GRID1: variants seen among roughly 807,000 people sequenced by gnomAD.
The protein encoded by GRID1 is glutamate ionotropic receptor delta type subunit 1.
Under a neutral mutation model 98.0 loss-of-function variants are expected in GRID1, and 28 were observed. That is an observed-to-expected ratio of 0.29 (90% CI 0.21 to 0.39). GRID1 has a LOEUF of 0.39. Among genes scored for constraint, GRID1 ranks in the 10% least tolerant of loss-of-function variants. The pLI is 1.00. For synonymous variants in GRID1, 553 were observed against 538.5 expected, an observed-to-expected ratio of 1.03 and a Z score of -0.37; for missense variants, 1,111 against 1,340.5, an observed-to-expected ratio of 0.83 and a Z score of 2.67.
chr10:86,059,000 T>C (rs1843612852), intron 4 of GRID1, among the ~76,000 whole-genome samples: 1 of 152,076 alleles, frequency 6.6e-6, no homozygotes, highest in African/African-American at 2.4e-5. Flanking sequence ...GGATGACTGA[T>C]CTCATCTAGG....
chr10:86,194,172 A>G (rs140612672), intron 3 of GRID1, among the ~76,000 whole-genome samples: 228 of 152,210 alleles, frequency 1.5e-3, no homozygotes, highest in African/African-American at 5.3e-3. Flanking sequence ...CCTGCAGCCC[A>G]GCCGCTCTGC....
intron 2 of GRID1, among the ~76,000 whole-genome samples, chr10:86,258,251 A>C (rs565858491): frequency 1.3e-5 from 2 of 152,366 alleles, no homozygotes; most frequent in African/African-American, 4.8e-5. Flanking sequence ...AAGATAAAAA[A>C]ATACATCAGC....
At chr10:85,869,338 A>G (rs1248572263) in intron 5 of GRID1, among the ~76,000 whole-genome samples, 158 bp from the exon 6 acceptor site, 1 of 152,192 alleles carries the variant, frequency 6.6e-6, no homozygotes, top group Non-Finnish European at 1.5e-5. Flanking sequence ...CTTATTCACA[A>G]ATAATACTTG....
intron 2 of GRID1, among the ~76,000 whole-genome samples, chr10:86,311,988 T>A (rs1175897928): frequency 6.6e-6 from 1 of 152,256 alleles, no homozygotes; most frequent in African/African-American, 2.4e-5. Flanking sequence ...TAAACAGAAC[T>A]GGGGAGCCCA....
chr10:86,273,167 GT>G (rs1212416706), intron 2 of GRID1, among the ~76,000 whole-genome samples: 1 of 151,660 alleles, frequency 6.6e-6, no homozygotes, highest in African/African-American at 2.4e-5. Flanking sequence ...GCGGTGTTTG[GT>G]TTTTTGCCCT....
At chr10:85,680,697 C>T (rs572609026) in intron 12 of GRID1, among the ~76,000 whole-genome samples, 110 of 152,260 alleles carry the variant, frequency 7.2e-4, no homozygotes, top group Non-Finnish European at 1.4e-3. Flanking sequence ...CACAGTACTA[C>T]TCACAATAGC....
intron 8 of GRID1, among the ~76,000 whole-genome samples, chr10:85,740,370 T>C (rs1393905701): frequency 6.6e-6 from 1 of 152,212 alleles, no homozygotes; most frequent in South Asian, 2.1e-4. Flanking sequence ...TACTAGCAGA[T>C]TAAGAGATTC....
chr10:86,112,273 C>T (rs533870932), intron 4 of GRID1, among the ~76,000 whole-genome samples: 1 of 152,212 alleles, frequency 6.6e-6, no homozygotes, highest in African/African-American at 2.4e-5. Flanking sequence ...CGTGGCCCAG[C>T]TCTGTCTCAA....
intron 5 of GRID1, among the ~76,000 whole-genome samples, chr10:85,894,489 G>A (rs1350002760): frequency 2.6e-5 from 4 of 152,106 alleles, no homozygotes; most frequent in Non-Finnish European, 4.4e-5. Context: ...TTAGGTAGAG[G>A]TAGAAATTAT....
intron 12 of GRID1, among the ~76,000 whole-genome samples, chr10:85,705,061 T>G (rs1267259377): frequency 2.0e-5 from 3 of 152,052 alleles, no homozygotes; most frequent in Non-Finnish European, 2.9e-5. Context: ...TTAAAAGAAC[T>G]AGAGAAGCGA....
At chr10:85,946,588 T>C (rs192386301) in intron 4 of GRID1, among the ~76,000 whole-genome samples, 110 of 152,334 alleles carry the variant, frequency 7.2e-4, no homozygotes, top group Non-Finnish European at 1.3e-3. Flanking sequence ...CAAAAAGAGA[T>C]GACATGAGAG....
At chr10:86,181,044 T>A (rs1361986885) in intron 3 of GRID1, among the ~76,000 whole-genome samples, 4 of 152,136 alleles carry the variant, frequency 2.6e-5, no homozygotes, top group Admixed American at 6.5e-5. Context: ...GAACACACAG[T>A]GCTTGGGCAG....
At position 85,783,223 on chromosome 10, in the gene GRID1, G is replaced by A. The variant is rs114163335; in HGVS notation, c.1234-53609C>T. Among the ~76,000 whole-genome samples the A allele has an allele frequency of 1.2e-3, 178 of 152,304 alleles. 1 individual carries two copies. Among genetic ancestry groups the A allele is most frequent in the African/African-American group, 4.1e-3 (172 of 41,564 alleles). Reference sequence around the variant, plus strand: ...ACTCTGTGAAGCAAAGTGGACAACAGCATCGCTAGCAGCACCCTTGCAATG... The same window carrying A: ...ACTCTGTGAAGCAAAGTGGACAACAACATCGCTAGCAGCACCCTTGCAATG... On this transcript the variant is annotated intron_variant, in intron 8 of 15. Transcript: ENST00000327946.
chr10:86,312,468 T>C (rs747111924), intron 2 of GRID1, among the ~76,000 whole-genome samples: 4 of 152,212 alleles, frequency 2.6e-5, no homozygotes, highest in Admixed American at 6.5e-5. Flanking sequence ...AAGGATTTCT[T>C]CCCATCTGCC....
In GRID1 at chr10:86,182,240, G is replaced by A. The variant is rs553134176; in HGVS notation, c.520+24124C>T. On this transcript the variant is annotated intron_variant, in intron 3 of 15. Coordinates refer to ENST00000327946, the MANE Select transcript of GRID1 (RefSeq NM_017551.3). Reference sequence around the variant, plus strand: ...TGAGGGGCTGCCCAGTGGCCCTGGTGAGCAGCCAGAGAGCTGGCATGGATA... The same window carrying A: ...TGAGGGGCTGCCCAGTGGCCCTGGTAAGCAGCCAGAGAGCTGGCATGGATA... Among the ~76,000 whole-genome samples, 271 of 152,326 alleles carry A rather than the reference G, an allele frequency of 1.8e-3. 3 individuals are homozygous for A. The Middle Eastern group carries it at 0.027, about 15-fold the overall frequency.
At chr10:85,820,261 T>TA (rs1564600466) in intron 8 of GRID1, among the ~76,000 whole-genome samples, 1 of 151,788 alleles carries the variant, frequency 6.6e-6, no homozygotes, top group African/African-American at 2.4e-5. Context: ...ACAAGGTCTT[T>TA]AAAAAAAGAA....
intron 8 of GRID1, among the ~76,000 whole-genome samples, chr10:85,731,117 A>T (rs1238747692): frequency 6.6e-6 from 1 of 152,148 alleles, no homozygotes; most frequent in Non-Finnish European, 1.5e-5. Flanking sequence ...AGGCCATAGA[A>T]CCTGAGGAGT....
intron 4 of GRID1, among the ~76,000 whole-genome samples, chr10:85,923,694 C>A (rs1412215985): frequency 6.6e-6 from 1 of 152,182 alleles, no homozygotes; most frequent in Non-Finnish European, 1.5e-5. Flanking sequence ...TGTAACCAGG[C>A]CTTTCCAATG....
intron 8 of GRID1, among the ~76,000 whole-genome samples, chr10:85,792,714 G>A (rs971038710): frequency 6.6e-6 from 1 of 152,182 alleles, no homozygotes; most frequent in African/African-American, 2.4e-5. Context: ...AGGAAGCTGT[G>A]TTCTTCCTCT....
Sources: allele counts gnomAD v4.1 joint callset (sites outside exome capture counted in the v4.1 genomes callset), GRCh38; gene constraint gnomAD v4.1.1; transcripts MANE v1.5; gene names NCBI Gene and HGNC (gene_info 2026-07-23, HGNC 2026-07-21).